The following FGF13 variants were observed in gnomAD, a reference collection of about 807,000 sequenced individuals.
The protein encoded by FGF13 is fibroblast growth factor 13.
Under a neutral mutation model 19.5 loss-of-function variants are expected in FGF13, and 2 were observed. That is an observed-to-expected ratio of 0.10 (90% CI 0.04 to 0.32). FGF13 has a LOEUF of 0.32. Ranked by LOEUF, FGF13 falls within the 10% of genes least tolerant of loss-of-function variation. The pLI, the probability that FGF13 is intolerant of heterozygous loss-of-function variation, is 1.00. For synonymous variants in FGF13, 72 were observed against 76.9 expected (o/e 0.94, Z 0.33); for missense variants, 113 against 192.7 (o/e 0.59, Z 2.45).
chrX:139,177,041 G>A (rs2084192238), intron 1 of FGF13, among the ~76,000 whole-genome samples: 1 of 110,680 alleles, frequency 9.0e-6, no homozygotes, highest in Non-Finnish European at 1.9e-5. Context: ...TTGTGTGGGA[G>A]TCTAAGTCTC....
chrX:138,737,826 C>CT lies in FGF13; in HGVS notation c.28+1415dup, dbSNP rs2090290216. Among the ~76,000 whole-genome samples, 3 of 112,270 alleles carry CT rather than the reference C, an allele frequency of 2.7e-5. No homozygotes were observed. The South Asian group carries it at 1.1e-3, about 42-fold the overall frequency. ...GAGGCATATAGTCTGTAGCTCCTGC[C>CT]TTTAATGATGATTATAAGCTGTCCA... On this transcript the variant is annotated intron_variant, in intron 1 of 4. Coordinates refer to the FGF13 transcript ENST00000305414.
At chrX:139,141,056 G>C (rs372395266) in intron 1 of FGF13, among the ~76,000 whole-genome samples, 98 of 75,822 alleles carry the variant, frequency 1.3e-3, no homozygotes, top group African/African-American at 4.0e-3. Flanking sequence ...ATGATAGATA[G>C]ATAGATAGAT....
At chrX:139,203,915 C>T, upstream of FGF13, 1 of 573,963 alleles carries the variant, frequency 1.7e-6, no homozygotes, top group South Asian at 2.8e-5. Context: ...GACCTCTGCC[C>T]CCCCTTTTCT....
intron 3 of FGF13, among the ~76,000 whole-genome samples, chrX:138,848,250 T>A (rs2091197469): frequency 9.0e-6 from 1 of 111,345 alleles, no homozygotes; most frequent in Admixed American, 9.6e-5. Context: ...TGGCCATAAG[T>A]TCTAAAGGTC....
At chrX:139,100,041 A>AACACACACACAC (rs56821859) in intron 1 of FGF13, among the ~76,000 whole-genome samples, 1,977 of 76,382 alleles carry the variant, frequency 0.026, 55 homozygotes, top group African/African-American at 0.03. Context: ...GGGGAAAGCA[A>AACACACACACAC]ACACACACAC....
intron 3 of FGF13, among the ~76,000 whole-genome samples, chrX:138,816,140 T>C (rs1054804214): frequency 9.0e-6 from 1 of 111,541 alleles, no homozygotes; most frequent in African/African-American, 3.3e-5. Flanking sequence ...ATTCTTAAAA[T>C]TCAAGGGGAT....
At chrX:138,981,282 C>T (rs1031746099) in intron 1 of FGF13, among the ~76,000 whole-genome samples, 3 of 107,048 alleles carry the variant, frequency 2.8e-5, no homozygotes, top group Non-Finnish European at 3.8e-5. Context: ...AACTTGGCCC[C>T]GTTGGATAAA....
chrX:138,618,553 A>AT lies in FGF13; in HGVS notation c.*14296_*14297insA, dbSNP rs1304421285. ...ACAGACTCCATCAGGAGGCCCACCCACTAGTGGCTTGGGATGCCTGAACTG... is the reference window on the plus strand; with the variant it reads ...ACAGACTCCATCAGGAGGCCCACCCATCTAGTGGCTTGGGATGCCTGAACTG... On this transcript the variant is annotated 3_prime_UTR_variant, in exon 5 of 5. Coordinates refer to ENST00000315930, the MANE Select transcript of FGF13 (RefSeq NM_004114.5). 3.6e-5 allele frequency: 4 copies of AT among 111,602 alleles called. No individual in the cohort carries two copies. The Admixed American group carries it at 3.8e-4, about 11-fold the overall frequency. 9.2% of individuals were successfully genotyped at this position (111,602 alleles called of 1,213,427 possible).
chrX:138,638,785 G>A (rs1416295446), intron 3 of FGF13, among the ~76,000 whole-genome samples: 2 of 111,905 alleles, frequency 1.8e-5, no homozygotes, highest in Non-Finnish European at 3.8e-5. Flanking sequence ...GGCTGTCACT[G>A]CATGGACAGA....
At chrX:139,025,579 A>G (rs1416184339) in intron 1 of FGF13, among the ~76,000 whole-genome samples, 2 of 111,433 alleles carry the variant, frequency 1.8e-5, no homozygotes, top group Non-Finnish European at 3.8e-5. Context: ...ATTGGTCTTC[A>G]AGTCCCTTCC....
intron 1 of FGF13, among the ~76,000 whole-genome samples, chrX:138,919,630 T>C (rs1295437754): frequency 8.9e-6 from 1 of 112,064 alleles, no homozygotes; most frequent in East Asian, 2.8e-4. Context: ...TTACATACTA[T>C]ATAATTTCTT....
At chrX:138,672,193 G>A (rs1047578294) in intron 3 of FGF13, among the ~76,000 whole-genome samples, 2 of 111,273 alleles carry the variant, frequency 1.8e-5, no homozygotes, top group East Asian at 5.7e-4. Flanking sequence ...GATTTTGGAC[G>A]TTGAAGAATC....
chrX:139,054,486 G>C (rs182522838), intron 1 of FGF13, among the ~76,000 whole-genome samples: 1 of 111,583 alleles, frequency 9.0e-6, no homozygotes, highest in Non-Finnish European at 1.9e-5. Flanking sequence ...TTCTGGTATA[G>C]TTTGAAGTCA....
chrX:138,967,420 C>T (rs1371213716), intron 1 of FGF13, among the ~76,000 whole-genome samples: 1 of 111,521 alleles, frequency 9.0e-6, no homozygotes, highest in Non-Finnish European at 1.9e-5. Flanking sequence ...TTCTCATCTT[C>T]TAAAAAGGAG....
chrX:139,083,762 T>C (rs1405054161), intron 1 of FGF13, among the ~76,000 whole-genome samples: 1 of 111,136 alleles, frequency 9.0e-6, no homozygotes, highest in Non-Finnish European at 1.9e-5. Context: ...TTCCAGCTAC[T>C]CGGGAGGCTG....
At chrX:138,923,188 G>A (rs2091655655) in intron 1 of FGF13, among the ~76,000 whole-genome samples, 1 of 111,542 alleles carries the variant, frequency 9.0e-6, no homozygotes, top group African/African-American at 3.3e-5. Context: ...TATTAACATT[G>A]TGTGTTCATA....
chrX:138,984,914 G>A (rs1880402241), intron 1 of FGF13: 2 of 283,866 alleles, frequency 7.0e-6, no homozygotes, highest in Admixed American at 8.7e-5. Context: ...AAATACAACT[G>A]GGGATGTTCC....
At chrX:138,982,633 G>A (rs753103176) in intron 1 of FGF13, among the ~76,000 whole-genome samples, 201 of 112,127 alleles carry the variant, frequency 1.8e-3, no homozygotes, top group Non-Finnish European at 2.9e-3. Context: ...TAGAATCCAT[G>A]CCCTCACAGA....
chrX:138,621,358 G>A lies in FGF13; in HGVS notation c.*11492C>T, dbSNP rs1296033028. ...AAATTAAACAATACACTCCTAAATAGCCAAAGAATCAAAGAGCAAATCAAA... is the reference window on the plus strand; with the variant it reads ...AAATTAAACAATACACTCCTAAATAACCAAAGAATCAAAGAGCAAATCAAA... On this transcript the variant is annotated 3_prime_UTR_variant, in exon 5 of 5. Transcript: ENST00000315930. The A allele has an allele frequency of 9.0e-6, 1 of 110,976 alleles. No individual in the cohort carries two copies. The highest frequency in any genetic ancestry group is 1.9e-5 in the Non-Finnish European group (1 of 52,930). 9.1% of individuals were successfully genotyped at this position (110,976 alleles called of 1,213,427 possible).
Sources: gnomAD v4.1 joint callset for allele counts (sites outside exome capture counted in the v4.1 genomes callset) on GRCh38, gnomAD v4.1.1 for gene constraint, MANE v1.5 for transcripts, NCBI Gene and HGNC (gene_info 2026-07-23, HGNC 2026-07-21) for gene names.